The following ZNF729 variants were observed in gnomAD, a reference collection of about 807,000 sequenced individuals.
ZNF729 encodes the protein zinc finger protein 729.
Under a neutral mutation model 12.2 loss-of-function variants are expected in ZNF729, and 15 were observed. That is an observed-to-expected ratio of 1.23 (90% CI 0.82 to 1.89). ZNF729 has a LOEUF of 1.89. Ranked by LOEUF, ZNF729 falls within the 40% of genes most tolerant of loss-of-function variation. The pLI, the probability that ZNF729 is intolerant of heterozygous loss-of-function variation, is 0.00. For missense variants in ZNF729, 1,540 were observed against 1,456.7 expected (o/e 1.06, Z -0.93); for synonymous variants, 492 against 476.3 (o/e 1.03, Z -0.43).
intron 3 of ZNF729, among the ~76,000 whole-genome samples, chr19:22,306,451 G>A (rs1396414268): frequency 1.4e-5 from 2 of 145,818 alleles, no homozygotes; most frequent in Non-Finnish European, 3.0e-5. Context: ...AAAAAAAAAA[G>A]AAAAGAAAAG....
At chr19:22,295,640 T>C (rs1968221396) in intron 1 of ZNF729, among the ~76,000 whole-genome samples, 3 of 152,078 alleles carry the variant, frequency 2.0e-5, no homozygotes, top group Non-Finnish European at 4.4e-5. Context: ...GACCTCGTGA[T>C]CCGCCCGTCT....
chr19:22,292,433 A>G (rs959742668), intron 1 of ZNF729, among the ~76,000 whole-genome samples: 1 of 151,962 alleles, frequency 6.6e-6, no homozygotes, highest in African/African-American at 2.4e-5. Flanking sequence ...GTTTTCATTA[A>G]ATCTTTTATT....
At chr19:22,308,003 A>T (rs1333784439) in intron 3 of ZNF729, among the ~76,000 whole-genome samples, 1 of 151,902 alleles carries the variant, frequency 6.6e-6, no homozygotes, top group Non-Finnish European at 1.5e-5. Flanking sequence ...GTAGTCTTTT[A>T]TCCCTCGTTT....
intron 1 of ZNF729, among the ~76,000 whole-genome samples, chr19:22,287,332 T>C (rs1037919484): frequency 6.6e-6 from 1 of 151,878 alleles, no homozygotes; most frequent in African/African-American, 2.4e-5. Context: ...AATAGCGCGA[T>C]CTCCTCTCGG....
In ZNF729 at chr19:22,315,825, A is replaced by G. The variant is rs1282928808; in HGVS notation, c.2408A>G (p.Lys803Arg). ...EKPYKCEECG[K>R]AFKWSSKLTV... Reference sequence around the variant, plus strand: ...CCCTACAAGTGTGAAGAATGTGGTAAAGCTTTTAAGTGGTCCTCAAAGCTT... The same window carrying G: ...CCCTACAAGTGTGAAGAATGTGGTAGAGCTTTTAAGTGGTCCTCAAAGCTT... The change falls in exon 4 of 4, where the codon AAA (lysine) becomes AGA (arginine). Residue 803 changes from lysine to arginine, a missense_variant. Transcript: ENST00000601693. 6.2e-7 allele frequency: 1 copy of G among 1,611,048 alleles called. No individual in the cohort carries two copies. Among genetic ancestry groups the G allele is most frequent in the Admixed American group, 1.7e-5 (1 of 59,990 alleles).
chr19:22,313,863 C>T lies in ZNF729; in HGVS notation c.446C>T (p.Thr149Ile). The T allele has an allele frequency of 1.3e-6, 2 of 1,559,624 alleles. No individual in the cohort carries two copies. The highest frequency in any genetic ancestry group is 1.7e-6 in the Non-Finnish European group (2 of 1,156,494). Residue 149 changes from threonine (T) to isoleucine (I), a missense_variant, in exon 4 of 4, where the codon ACC becomes ATC. Transcript: ENST00000601693. Reference sequence around the variant, plus strand: ...AAACTTAACCAATGCAGGACAGCTACCCAGAGAAAAATATTTCAGTGTAAC... The same window carrying T: ...AAACTTAACCAATGCAGGACAGCTATCCAGAGAAAAATATTTCAGTGTAAC... ...YNKLNQCRTA[T>I]QRKIFQCNKH...
At chr19:22,289,460 T>C (rs1229817975) in intron 1 of ZNF729, among the ~76,000 whole-genome samples, 1 of 151,808 alleles carries the variant, frequency 6.6e-6, no homozygotes, top group Non-Finnish European at 1.5e-5. Flanking sequence ...CTCCTGACCT[T>C]ATGATCCACC....
chr19:22,288,312 T>G (rs953022014), intron 1 of ZNF729, among the ~76,000 whole-genome samples: 51 of 106,570 alleles, frequency 4.8e-4, no homozygotes, highest in Non-Finnish European at 5.6e-4. Flanking sequence ...CTTTGTACTG[T>G]TTTTTTTTTT....
intron 3 of ZNF729, among the ~76,000 whole-genome samples, chr19:22,308,767 T>C (rs1288941743): frequency 2.0e-5 from 3 of 152,116 alleles, no homozygotes; most frequent in Non-Finnish European, 4.4e-5. Context: ...TTCCAGATAT[T>C]AGTTCTTTGT....
At chr19:22,309,911 G>A (rs1968430496) in intron 3 of ZNF729, among the ~76,000 whole-genome samples, 1 of 151,306 alleles carries the variant, frequency 6.6e-6, no homozygotes. Flanking sequence ...TTTCCTTGTA[G>A]AGATCTTTTA....
At position 22,316,247 on chromosome 19, in the gene ZNF729, G is replaced by A; in HGVS notation, c.2830G>A (p.Ala944Thr). The A allele has an allele frequency of 5.0e-6, 8 of 1,613,748 alleles. No homozygotes were observed. The highest frequency in any genetic ancestry group is 6.8e-6 in the Non-Finnish European group (8 of 1,179,794). Residue 944 changes from alanine (A) to threonine (T), a missense_variant, in exon 4 of 4, where the codon GCT (alanine) becomes ACT (threonine). Transcript: ENST00000601693. ...KPYKCEECGK[A>T]FNDSSTLMKH... ...CTACAAATGTGAAGAATGTGGCAAA[G>A]CTTTTAATGATTCCTCAACCCTTAT...
At position 22,304,728 on chromosome 19, in the gene ZNF729, G is replaced by A. The variant is rs1252071966; in HGVS notation, c.198G>A (p.Lys66=). 6.2e-7 allele frequency: 1 copy of A among 1,613,308 alleles called. No homozygotes were observed. The highest frequency in any genetic ancestry group is 1.3e-5 in the African/African-American group (1 of 75,012). The change falls in exon 3 of 4, where the codon AAG becomes AAA. Residue 66 remains lysine (K), a synonymous_variant. Transcript: ENST00000601693. ...VFKPDLITCL[K]QGKEPWNMKR... is the part of the protein sequence containing the mutation. ...AGCCAGACTTGATAACTTGTCTGAA[G>A]CAAGGGAAAGAGCCTTGGAATATGA...
chr19:22,290,521 T>TG (rs1210158138), intron 1 of ZNF729, among the ~76,000 whole-genome samples: 27 of 151,532 alleles, frequency 1.8e-4, no homozygotes, highest in Admixed American at 1.7e-3. Flanking sequence ...TATTAGGAGG[T>TG]GGGAGGGGAT....
intron 1 of ZNF729, among the ~76,000 whole-genome samples, chr19:22,290,435 GT>G (rs1441324380): frequency 6.6e-6 from 1 of 152,130 alleles, no homozygotes; most frequent in Non-Finnish European, 1.5e-5. Flanking sequence ...AGAGGACGAA[GT>G]ACCAACTCTG....
chr19:22,290,431 C>T (rs77067022), intron 1 of ZNF729, among the ~76,000 whole-genome samples: 29 of 152,120 alleles, frequency 1.9e-4, no homozygotes, highest in East Asian at 1.4e-3. Context: ...TGCAAGAGGA[C>T]GAAGTACCAA....
intron 3 of ZNF729, 99 bp from the exon 4 acceptor site, chr19:22,313,572 C>A: frequency 9.2e-7 from 1 of 1,082,912 alleles, no homozygotes; most frequent in Non-Finnish European, 1.2e-6. Context: ...TTTTGCTGTG[C>A]CATCTTATGT....
chr19:22,287,876 C>T (rs1398474107), intron 1 of ZNF729, among the ~76,000 whole-genome samples: 2 of 145,626 alleles, frequency 1.4e-5, no homozygotes, highest in East Asian at 2.0e-4. Context: ...GATGGAGTCT[C>T]GCTCTGTTGC....
intron 1 of ZNF729, among the ~76,000 whole-genome samples, chr19:22,288,877 A>G (rs1242311091): frequency 6.6e-6 from 1 of 152,190 alleles, no homozygotes; most frequent in East Asian, 1.9e-4. Context: ...CCCAAAAGAA[A>G]AAAAAACAGT....
chr19:22,295,477 G>A (rs529416261), intron 1 of ZNF729, among the ~76,000 whole-genome samples: 21 of 147,718 alleles, frequency 1.4e-4, no homozygotes, highest in Admixed American at 1.0e-3. Context: ...TGCAAGCTCC[G>A]CCTCCCGTGT....
Sources: allele counts gnomAD v4.1 joint callset (sites outside exome capture counted in the v4.1 genomes callset), GRCh38; gene constraint gnomAD v4.1.1; transcripts MANE v1.5; gene names NCBI Gene and HGNC (gene_info 2026-07-23, HGNC 2026-07-21).